The following FNBP1L variants were observed in gnomAD, a reference collection of about 807,000 sequenced individuals.
FNBP1L encodes the protein formin-binding protein 1-like.
FNBP1L carries 36 observed loss-of-function variants against 91.2 expected under a neutral mutation model. The ratio of observed to expected loss-of-function variants is 0.39; its 90% CI spans 0.30 to 0.52. The LOEUF (loss-of-function observed/expected upper bound fraction) is 0.52, where lower values mean the gene tolerates loss of function less well. Ranked by LOEUF, FNBP1L falls within the 20% of genes least tolerant of loss-of-function variation. The probability of loss-of-function intolerance (pLI) is 0.66; values close to 1 mark genes in which losing one functional copy is unlikely to be tolerated. For synonymous variants in FNBP1L, 242 were observed against 237.0 expected (o/e 1.02, Z -0.19); for missense variants, 571 against 732.1 (o/e 0.78, Z 2.54).
At chr1:93,550,458 T>C (rs1161353607) in intron 15 of FNBP1L, among the ~76,000 whole-genome samples, 1 of 151,956 alleles carries the variant, frequency 6.6e-6, no homozygotes, top group Non-Finnish European at 1.5e-5. Flanking sequence ...AGTGAAAGAG[T>C]TGTGTATGGC....
rs1037349218 is a variant in FNBP1L at position 93,512,169 on chromosome 1, CAAAG to C, written c.141-9910_141-9907del. ...TTAAACCAACAAAGATCAAAAGAGA[CAAAG>C]AAGGCCATTACATAATGGTAATGGG... On this transcript the variant is annotated intron_variant, in intron 2 of 16. Coordinates refer to ENST00000271234, the MANE Select transcript of FNBP1L (RefSeq NM_001164473.3). 2.0e-4 allele frequency among the ~76,000 whole-genome samples: 30 copies of C among 152,020 alleles called. No individual in the cohort carries two copies. In the East Asian group the frequency reaches 4.2e-3, roughly 22 times the overall value.
intron 8 of FNBP1L, among the ~76,000 whole-genome samples, chr1:93,533,605 C>G (rs1158893745): frequency 1.3e-5 from 2 of 152,102 alleles, no homozygotes; most frequent in African/African-American, 4.8e-5. Flanking sequence ...GATCAAAAAG[C>G]ATGGTTGGCA....
chr1:93,468,378 A>G (rs538259779), intron 1 of FNBP1L, among the ~76,000 whole-genome samples: 12 of 151,782 alleles, frequency 7.9e-5, no homozygotes, highest in East Asian at 1.9e-4. Flanking sequence ...GGTGTTTTCT[A>G]TTTTTGGCAT....
At chr1:93,500,941 TTAA>T (rs2101726431) in intron 2 of FNBP1L, among the ~76,000 whole-genome samples, 1 of 152,298 alleles carries the variant, frequency 6.6e-6, no homozygotes, top group South Asian at 2.1e-4. Flanking sequence ...TATTAGTATA[TTAA>T]TAATCACAGT....
At chr1:93,526,111 A>G (rs759408950) in intron 5 of FNBP1L, among the ~76,000 whole-genome samples, 1 of 152,196 alleles carries the variant, frequency 6.6e-6, no homozygotes, top group Non-Finnish European at 1.5e-5. Context: ...TGGGATGAAT[A>G]AAGTAGGCAG....
intron 2 of FNBP1L, among the ~76,000 whole-genome samples, chr1:93,512,916 T>A (rs993916085): frequency 6.6e-6 from 1 of 151,454 alleles, no homozygotes; most frequent in Non-Finnish European, 1.5e-5. Context: ...AAGAAATAAC[T>A]GAAATCAGAG....
intron 2 of FNBP1L, among the ~76,000 whole-genome samples, chr1:93,505,837 C>T (rs1249025288): frequency 6.6e-6 from 1 of 152,142 alleles, no homozygotes; most frequent in Non-Finnish European, 1.5e-5. Flanking sequence ...TGCCACCACG[C>T]CCAGCTAATT....
intron 1 of FNBP1L, among the ~76,000 whole-genome samples, chr1:93,494,623 T>C (rs1006473638): frequency 6.6e-6 from 1 of 152,326 alleles, no homozygotes; most frequent in Middle Eastern, 3.4e-3. Flanking sequence ...AAGATGCTCC[T>C]CTTACCCCTG....
chr1:93,515,508 A>G (rs981528997), intron 2 of FNBP1L, among the ~76,000 whole-genome samples: 1 of 152,144 alleles, frequency 6.6e-6, no homozygotes, highest in Non-Finnish European at 1.5e-5. Context: ...AAGACTTGGA[A>G]CCAACCCAAA....
At chr1:93,479,086 G>T (rs757350434) in intron 1 of FNBP1L, among the ~76,000 whole-genome samples, 1 of 152,168 alleles carries the variant, frequency 6.6e-6, no homozygotes. Flanking sequence ...CCTGTCGGCC[G>T]GTCTGAGAAA....
intron 1 of FNBP1L, among the ~76,000 whole-genome samples, chr1:93,462,277 C>CT (rs907599519): frequency 5.3e-4 from 80 of 151,356 alleles, no homozygotes; most frequent in African/African-American, 1.3e-3. Context: ...CCTGGAGTTA[C>CT]TTTTTTTTTA....
intron 5 of FNBP1L, among the ~76,000 whole-genome samples, chr1:93,528,016 A>T (rs1671547474): frequency 6.6e-6 from 1 of 152,088 alleles, no homozygotes; most frequent in African/African-American, 2.4e-5. Context: ...ATGAAAGATA[A>T]AGTTCAATAA....
rs1471653655 is a variant in FNBP1L, at chr1:93,449,922, C to A, written c.24+1617C>A. Among the ~76,000 whole-genome samples, 11 of 151,586 alleles carry A rather than the reference C, an allele frequency of 7.3e-5. No homozygotes were observed. The East Asian group carries it at 2.1e-3, about 29-fold the overall frequency. Reference sequence around the variant, plus strand: ...AAATTTTTTATTTTTTTCATGCCTACCAGAGTGCATTCATTCGTTTTTATA... The same window carrying A: ...AAATTTTTTATTTTTTTCATGCCTAACAGAGTGCATTCATTCGTTTTTATA... On this transcript the variant is annotated intron_variant, in intron 1 of 16. Transcript: ENST00000271234.
rs1186411280 is a variant in FNBP1L at position 93,547,432 on chromosome 1, G to A, written c.1493G>A (p.Gly498Glu). Residue 498 changes from glycine to glutamate, a missense_variant, in exon 14 of 17, where the codon GGA becomes GAA. Transcript: ENST00000271234. ...GACATAAATCATCTTGTAACACAGG[G>A]ACGAGAAAGGTGATTTTTTGTATTT... ...SSDINHLVTQ[G>E]RESPEGSYTD... 3.2e-6 allele frequency: 5 copies of A among 1,552,940 alleles called. No individual in the cohort carries two copies. The highest frequency in any genetic ancestry group is 4.4e-6 in the Non-Finnish European group (5 of 1,147,312).
intron 1 of FNBP1L, among the ~76,000 whole-genome samples, chr1:93,488,603 T>G (rs928833586): frequency 2.0e-5 from 3 of 152,126 alleles, no homozygotes; most frequent in African/African-American, 7.2e-5. Flanking sequence ...ATGGGGCATA[T>G]AAACTGGCAT....
chr1:93,507,686 T>G (rs1184874979), intron 2 of FNBP1L, among the ~76,000 whole-genome samples: 1 of 152,154 alleles, frequency 6.6e-6, no homozygotes, highest in Non-Finnish European at 1.5e-5. Flanking sequence ...TTTCACGCTT[T>G]CTCCCAGGCT....
intron 2 of FNBP1L, among the ~76,000 whole-genome samples, chr1:93,517,823 T>G (rs1671183620): frequency 6.6e-6 from 1 of 152,224 alleles, no homozygotes. Context: ...ACATTCATTA[T>G]TTTAACCATC....
intron 1 of FNBP1L, among the ~76,000 whole-genome samples, chr1:93,465,340 C>T (rs1669037817): frequency 6.6e-6 from 1 of 152,044 alleles, no homozygotes; most frequent in African/African-American, 2.4e-5. Flanking sequence ...TCTCCTAATG[C>T]TATCCCTCCC....
At chr1:93,534,940 A>C (rs1256151250) in intron 9 of FNBP1L, 32 bp downstream of exon 9, 2 of 1,528,082 alleles carry the variant, frequency 1.3e-6, no homozygotes, top group Admixed American at 4.0e-5. Flanking sequence ...TATGCTAATC[A>C]GTTTAAGTGT....
Sources: allele counts gnomAD v4.1 joint callset (sites outside exome capture counted in the v4.1 genomes callset), GRCh38; gene constraint gnomAD v4.1.1; transcripts MANE v1.5; gene names NCBI Gene and HGNC (gene_info 2026-07-23, HGNC 2026-07-21).